MACO1: variants seen among roughly 807,000 people sequenced by gnomAD.
The protein encoded by MACO1 is macoilin.
MACO1 carries 14 observed loss-of-function variants against 78.7 expected under a neutral mutation model. The ratio of observed to expected loss-of-function variants is 0.18; its 90% CI spans 0.12 to 0.28. The LOEUF is 0.28. Among genes scored for constraint, MACO1 ranks in the 10% least tolerant of loss-of-function variants. The pLI, the probability that MACO1 is intolerant of heterozygous loss-of-function variation, is 1.00. For missense variants in MACO1, 501 were observed against 799.0 expected (o/e 0.63, Z 4.50); for synonymous variants, 288 against 291.6 (o/e 0.99, Z 0.12).
rs2043426452 is a variant in MACO1 at position 25,485,927 on chromosome 1, TTTTA to T, written c.1496+135_1496+138del. Reference sequence around the variant, plus strand: ...ACGGATGGATTGCTTTTAAGTACTGTTTTATTAACTGGTTTAAACTCCATGTGTG... The same window carrying T: ...ACGGATGGATTGCTTTTAAGTACTGTTTAACTGGTTTAAACTCCATGTGTG... On this transcript the variant is annotated intron_variant, in intron 8 of 10. Coordinates refer to ENST00000374343, the MANE Select transcript of MACO1 (RefSeq NM_018202.6). The surrounding 1 kb of genome is among the most constrained non-coding windows in gnomAD (Gnocchi z 4.3). 1.0e-6 allele frequency: 1 copy of T among 974,710 alleles called. No homozygotes were observed. Among genetic ancestry groups the T allele is most frequent in the African/African-American group, 1.6e-5 (1 of 61,382 alleles). 60.4% of individuals were successfully genotyped at this position (974,710 alleles called of 1,614,324 possible). A position where few individuals can be genotyped will look rare whatever the true frequency, so the allele number is the denominator to read the frequency against.
intron 1 of MACO1, among the ~76,000 whole-genome samples, chr1:25,434,659 C>A (rs561360728): frequency 1.5e-4 from 23 of 152,288 alleles, no homozygotes; most frequent in African/African-American, 5.1e-4. Context: ...ATAAAGTAGA[C>A]AGTTGCCACT....
rs1366189996 is a variant in MACO1, at chr1:25,462,230, G to A, written c.1154+3338G>A. Among the ~76,000 whole-genome samples the A allele has an allele frequency of 2.0e-5, 3 of 152,096 alleles. No individual in the cohort carries two copies. The East Asian group carries it at 5.8e-4, about 29-fold the overall frequency. On this transcript the variant is annotated intron_variant, in intron 6 of 10. Transcript: ENST00000374343. ...CTTCTGCAGGCATACTTGGGGTGGT[G>A]CACAGTTTCAGGCCAACAAACTTCC... is the stretch of plus-strand genomic sequence containing the variant.
intron 6 of MACO1, among the ~76,000 whole-genome samples, chr1:25,476,620 T>C (rs748046981): frequency 1.3e-5 from 2 of 152,230 alleles, no homozygotes; most frequent in Non-Finnish European, 2.9e-5. Flanking sequence ...CAGTATTTCT[T>C]CTGAGGACAG....
intron 6 of MACO1, among the ~76,000 whole-genome samples, chr1:25,479,283 C>T (rs2043349533): frequency 1.3e-5 from 2 of 152,164 alleles, no homozygotes; most frequent in Non-Finnish European, 2.9e-5. Flanking sequence ...AATTATATAT[C>T]TGTATTTTAC....
intron 6 of MACO1, among the ~76,000 whole-genome samples, chr1:25,472,072 A>G (rs1004768774): frequency 6.6e-6 from 1 of 152,138 alleles, no homozygotes; most frequent in Non-Finnish European, 1.5e-5. Flanking sequence ...CAGGGAAGAT[A>G]ATCTCAGTTT....
intron 4 of MACO1, among the ~76,000 whole-genome samples, chr1:25,456,245 G>A (rs544680555): frequency 3.7e-4 from 55 of 148,244 alleles, no homozygotes; most frequent in Non-Finnish European, 6.1e-4. Context: ...GCAACAGAGC[G>A]AGACTCCATT....
At chr1:25,497,380 C>A (rs1252646107) in intron 10 of MACO1, among the ~76,000 whole-genome samples, 76 of 126,508 alleles carry the variant, frequency 6.0e-4, no homozygotes, top group South Asian at 9.8e-4. Flanking sequence ...AACTCCATCT[C>A]AAAAAAAAAA....
intron 5 of MACO1, 56 bp from the exon 6 acceptor site, chr1:25,458,331 TAAAC>T (rs1006078457): frequency 6.6e-6 from 10 of 1,522,754 alleles, no homozygotes; most frequent in African/African-American, 2.8e-5. Context: ...TCTGTGTTGT[TAAAC>T]AACTAAATAT....
intron 1 of MACO1, 34 bp downstream of exon 1, chr1:25,431,212 G>T (rs1571941850): frequency 6.5e-7 from 1 of 1,545,652 alleles, no homozygotes; most frequent in Non-Finnish European, 8.7e-7. Flanking sequence ...GCGGGCGCGG[G>T]CCCTGCGGTC....
intron 1 of MACO1, among the ~76,000 whole-genome samples, chr1:25,439,468 A>T (rs1169714058): frequency 1.3e-5 from 2 of 151,818 alleles, no homozygotes; most frequent in Non-Finnish European, 2.9e-5. Context: ...CTGCACATGT[A>T]CGCGCGCGTG....
At chr1:25,433,543 C>T (rs900574313) in intron 1 of MACO1, among the ~76,000 whole-genome samples, 1 of 152,118 alleles carries the variant, frequency 6.6e-6, no homozygotes, top group African/African-American at 2.4e-5. Flanking sequence ...TTTTGATAAC[C>T]ACTGTCTACT....
At chr1:25,497,569 G>A (rs538928090) in intron 10 of MACO1, among the ~76,000 whole-genome samples, 59 of 152,264 alleles carry the variant, frequency 3.9e-4, no homozygotes, top group African/African-American at 1.3e-3. Flanking sequence ...AAACTGAAGC[G>A]TAGTGAGGGC....
chr1:25,431,421 C>G (rs1044247650), intron 1 of MACO1, among the ~76,000 whole-genome samples: 2 of 148,598 alleles, frequency 1.3e-5, no homozygotes, highest in Non-Finnish European at 3.0e-5. Flanking sequence ...AGGGAGCCGC[C>G]GCGCCGCCGT....
At chr1:25,492,962 G>A (rs2043500200) in intron 10 of MACO1, among the ~76,000 whole-genome samples, 1 of 152,142 alleles carries the variant, frequency 6.6e-6, no homozygotes, top group Non-Finnish European at 1.5e-5. Context: ...AGGGCAGGAG[G>A]ATCACTTGAG....
chr1:25,434,833 T>G (rs1053538129), intron 1 of MACO1, among the ~76,000 whole-genome samples: 3 of 152,144 alleles, frequency 2.0e-5, no homozygotes, highest in Admixed American at 6.6e-5. Context: ...CACCAGACAC[T>G]CCCGATAGTA....
At chr1:25,468,486 C>T (rs1247822588) in intron 6 of MACO1, among the ~76,000 whole-genome samples, 1 of 152,094 alleles carries the variant, frequency 6.6e-6, no homozygotes, top group African/African-American at 2.4e-5. Context: ...GTGCACATTG[C>T]CATGATGGTG....
chr1:25,489,243 G>A lies in MACO1; in HGVS notation c.1567G>A (p.Asp523Asn), dbSNP rs1390356480. ...AGCAGAGGGCAAGAAGCTCACGATG[G>A]ACATGAAGGTGAAAGAAGACCAAAT... is the stretch of plus-strand genomic sequence containing the variant. Reference protein sequence around the residue: ...LEAEGKKLTMDMKVKEDQIRE... With the variant: ...LEAEGKKLTMNMKVKEDQIRE... Residue 523 changes from aspartate (D) to asparagine (N), a missense_variant, in exon 9 of 11, where the codon GAC becomes AAC. Asp to Asn is a conservative substitution (Grantham distance 23, BLOSUM62 1). Around this residue, in one of 5 missense-constraint regions of MACO1, gnomAD observed 163 missense variants for 271.9 expected, o/e 0.60. Coordinates refer to ENST00000374343, the MANE Select transcript of MACO1 (RefSeq NM_018202.6). 2.5e-6 allele frequency: 4 copies of A among 1,613,974 alleles called. No homozygotes were observed. The highest frequency in any genetic ancestry group is 1.7e-5 in the Admixed American group (1 of 59,998).
intron 6 of MACO1, among the ~76,000 whole-genome samples, chr1:25,460,980 G>T (rs1465269521): frequency 6.6e-6 from 1 of 152,050 alleles, no homozygotes; most frequent in Non-Finnish European, 1.5e-5. Context: ...GGGATCGATA[G>T]ACTGGATTAA....
At chr1:25,454,462 G>GTATATATATATATATA (rs1460300897) in intron 4 of MACO1, 80 bp downstream of exon 4, 2 of 191,628 alleles carry the variant, frequency 1.0e-5, no homozygotes, top group Middle Eastern at 1.9e-3. Context: ...GTGTGTGTGT[G>GTATATATATATATATA]TGTGTGTGTA....
Sources: gnomAD v4.1 joint callset for allele counts (sites outside exome capture counted in the v4.1 genomes callset) on GRCh38, gnomAD v4.1.1 for gene constraint, gnomAD v4.1.1 regional missense constraint, Gnocchi (gnomAD v3.1) non-coding constraint, MANE v1.5 for transcripts, NCBI Gene and HGNC (gene_info 2026-07-23, HGNC 2026-07-21) for gene names.